ADGRL3: variants seen among roughly 807,000 people sequenced by gnomAD.
The protein encoded by ADGRL3 is adhesion G protein-coupled receptor L3, also known as calcium-independent alpha-latrotoxin receptor 3.
Under a neutral mutation model 153.5 loss-of-function variants are expected in ADGRL3, and 62 were observed. The ratio of observed to expected loss-of-function variants is 0.40; its 90% CI spans 0.33 to 0.50. The LOEUF is 0.50. ADGRL3 is among the 20% of genes least tolerant of loss of function. The pLI is 0.47. For missense variants in ADGRL3, 1,641 were observed against 1,859.4 expected, an observed-to-expected ratio of 0.88 and a Z score of 2.16; for synonymous variants, 710 against 672.5, an observed-to-expected ratio of 1.06 and a Z score of -0.86.
chr4:61,337,194 C>T (rs947848455), intron 1 of ADGRL3, among the ~76,000 whole-genome samples: 2 of 152,114 alleles, frequency 1.3e-5, no homozygotes, highest in Non-Finnish European at 2.9e-5. Flanking sequence ...GCTCTGAACT[C>T]TCATCTCCAA....
intron 2 of ADGRL3, among the ~76,000 whole-genome samples, chr4:61,416,561 G>C (rs2097147117): frequency 6.6e-6 from 1 of 152,146 alleles, no homozygotes; most frequent in African/African-American, 2.4e-5. Context: ...AGTAAAAGTT[G>C]AGAATAAGCT....
chr4:61,853,041 A>G (rs1030031012), intron 9 of ADGRL3, among the ~76,000 whole-genome samples: 11 of 151,286 alleles, frequency 7.3e-5, no homozygotes, highest in Non-Finnish European at 1.3e-4. Context: ...TTTTTGAGAC[A>G]GAGTCTCGCT....
At position 61,484,918 on chromosome 4, in the gene ADGRL3, T is replaced by TGTA. The variant is rs72610206; in HGVS notation, c.-173-12202_-173-12201insTAG. Among the ~76,000 whole-genome samples, 15 of 151,914 alleles carry TGTA rather than the reference T, an allele frequency of 9.9e-5. No individual in the cohort carries two copies. In the South Asian group the frequency reaches 2.1e-3, roughly 21 times the overall value. On this transcript the variant is annotated intron_variant, in intron 2 of 26. Coordinates refer to ENST00000683033, the MANE Select transcript of ADGRL3 (RefSeq NM_001387552.1). ...CAAACCATTACTGTAAAAACTATGT[T>TGTA]GAACTTATATTTTCAAAATGTGTCT... is the stretch of plus-strand genomic sequence containing the variant.
chr4:61,803,229 T>C (rs2097520979), intron 8 of ADGRL3, among the ~76,000 whole-genome samples: 1 of 152,162 alleles, frequency 6.6e-6, no homozygotes, highest in Non-Finnish European at 1.5e-5. Context: ...AAAAATTATT[T>C]GAGCCTTTGT....
chr4:61,647,696 A>G (rs1257970212), intron 5 of ADGRL3, among the ~76,000 whole-genome samples: 4 of 152,190 alleles, frequency 2.6e-5, no homozygotes, highest in Non-Finnish European at 4.4e-5. Flanking sequence ...TACTGAAATT[A>G]TCAATAAGAA....
Position 61,261,189 on chromosome 4 carries a change from C to T in ADGRL3, c.-240+59424C>T, listed in dbSNP as rs111990026. 3.1e-3 allele frequency among the ~76,000 whole-genome samples: 368 copies of T among 118,202 alleles called. 5 individuals carry two copies. The highest frequency in any genetic ancestry group is 0.012 in the African/African-American group (327 of 28,234). The allele number at this position is 118,202 out of a possible 152,430, so 77.5% of individuals were successfully genotyped here. ...ATTTTTTGTTCTTTTTCATCTTCTT[C>T]TTTTTTTTTTTTTTTTTTTTTTAAA... On this transcript the variant is annotated intron_variant, in intron 1 of 26. Transcript: ENST00000683033.
Position 61,648,346 on chromosome 4 carries a change from C to T in ADGRL3, c.474-28480C>T, listed in dbSNP as rs939788047. ...GCTTTTAAGAGTTAGGAAATGAAAT[C>T]GGCTTTTTTTTTTTTTTTTTTTTTA... On this transcript the variant is annotated intron_variant, in intron 5 of 26. Coordinates refer to ENST00000683033, the MANE Select transcript of ADGRL3 (RefSeq NM_001387552.1). 3.3e-5 allele frequency among the ~76,000 whole-genome samples: 4 copies of T among 120,030 alleles called. No individual in the cohort carries two copies. The East Asian group carries it at 7.1e-4, about 21-fold the overall frequency. 78.7% of individuals were successfully genotyped at this position (120,030 alleles called of 152,430 possible).
At chr4:61,337,371 T>C (rs1199569643) in intron 1 of ADGRL3, among the ~76,000 whole-genome samples, 1 of 152,060 alleles carries the variant, frequency 6.6e-6, no homozygotes, top group Non-Finnish European at 1.5e-5. Context: ...TTGTTTTCCT[T>C]CCCTCCACAC....
At chr4:61,297,325 G>A (rs17090424) in intron 1 of ADGRL3, among the ~76,000 whole-genome samples, 52,935 of 151,894 alleles carry the variant, frequency 0.35, 10,138 homozygotes, top group African/African-American at 0.52. Flanking sequence ...CATTGAATAG[G>A]CAGCTACCTA....
chr4:61,987,375 G>A (rs1026097123), intron 19 of ADGRL3, among the ~76,000 whole-genome samples: 7 of 151,802 alleles, frequency 4.6e-5, no homozygotes, highest in African/African-American at 1.7e-4. Context: ...GGGTTTCTCA[G>A]TGTTTTTCAG....
At chr4:61,380,157 G>GTATGTA (rs922656634) in intron 1 of ADGRL3, among the ~76,000 whole-genome samples, 6 of 151,922 alleles carry the variant, frequency 3.9e-5, no homozygotes, top group Non-Finnish European at 8.8e-5. Flanking sequence ...AAAAATGTGT[G>GTATGTA]TATGTATATG....
At chr4:61,318,210 A>AAAAAAAAAAAAAC in intron 1 of ADGRL3, among the ~76,000 whole-genome samples, 1 of 136,466 alleles carries the variant, frequency 7.3e-6, no homozygotes, top group Non-Finnish European at 1.5e-5. Context: ...AAAAAAAAAA[A>AAAAAAAAAAAAAC]AAAACACAAA....
chr4:61,876,565 C>A (rs2098476541), intron 9 of ADGRL3, among the ~76,000 whole-genome samples: 1 of 151,840 alleles, frequency 6.6e-6, no homozygotes, highest in African/African-American at 2.4e-5. Context: ...TTTCTGCTTA[C>A]AATCATTACA....
intron 13 of ADGRL3, among the ~76,000 whole-genome samples, chr4:61,927,493 T>C (rs2098799460): frequency 6.6e-6 from 1 of 152,136 alleles, no homozygotes; most frequent in Non-Finnish European, 1.5e-5. Flanking sequence ...TTAATTTTAA[T>C]TAAGACTTGA....
chr4:61,644,857 G>C (rs867158951), intron 5 of ADGRL3, among the ~76,000 whole-genome samples: 1 of 151,852 alleles, frequency 6.6e-6, no homozygotes, highest in Non-Finnish European at 1.5e-5. Flanking sequence ...TTTCTGTCTC[G>C]TTGATCTGTC....
intron 6 of ADGRL3, chr4:61,677,517 C>A (rs1209061994): frequency 6.2e-6 from 1 of 160,280 alleles, no homozygotes; most frequent in African/African-American, 2.4e-5. Context: ...AACAACATGT[C>A]TTTTCTTCAG....
intron 9 of ADGRL3, among the ~76,000 whole-genome samples, chr4:61,837,104 C>T (rs2097948325): frequency 6.6e-6 from 1 of 152,018 alleles, no homozygotes; most frequent in Non-Finnish European, 1.5e-5. Flanking sequence ...AGTAGTTCAT[C>T]CAGCTATTAA....
intron 8 of ADGRL3, among the ~76,000 whole-genome samples, chr4:61,806,661 G>A (rs893262660): frequency 2.0e-5 from 3 of 151,802 alleles, no homozygotes; most frequent in African/African-American, 4.8e-5. Flanking sequence ...TAAATAATTG[G>A]TATTTTCTTT....
At chr4:61,783,262 C>T (rs1412914646) in intron 8 of ADGRL3, among the ~76,000 whole-genome samples, 1 of 152,076 alleles carries the variant, frequency 6.6e-6, no homozygotes. Context: ...TGTTACTTTA[C>T]CTTATCCTTT....
Sources: allele counts gnomAD v4.1 joint callset (sites outside exome capture counted in the v4.1 genomes callset), GRCh38; gene constraint gnomAD v4.1.1; transcripts MANE v1.5; gene names NCBI Gene and HGNC (gene_info 2026-07-23, HGNC 2026-07-21).